Variants in TTC28 observed in about 807,000 individuals in gnomAD.
The protein encoded by TTC28 is tetratricopeptide repeat protein 28.
In TTC28, 61 loss-of-function variants were observed where a neutral mutation model predicts 198.0. That is an observed-to-expected ratio of 0.31 (90% confidence interval 0.25 to 0.38). The LOEUF is 0.38. Among genes scored for constraint, TTC28 ranks in the 10% least tolerant of loss-of-function variants. TTC28 has a pLI of 1.00. For synonymous variants in TTC28, 1,171 were observed against 1,297.8 expected (o/e 0.90, Z 2.10); for missense variants, 2,678 against 3,164.0 (o/e 0.85, Z 3.69).
At chr22:28,396,963 C>T (rs979370985) in intron 2 of TTC28, among the ~76,000 whole-genome samples, 3 of 152,136 alleles carry the variant, frequency 2.0e-5, no homozygotes, top group Admixed American at 2.0e-4. Context: ...CCTCTGTACA[C>T]AATGAAATGT....
intron 1 of TTC28, among the ~76,000 whole-genome samples, chr22:28,677,799 A>G (rs2881498): frequency 6.6e-6 from 1 of 151,932 alleles, no homozygotes; most frequent in South Asian, 2.1e-4. Flanking sequence ...TTAGCTGGGC[A>G]TGGTGGCACA....
intron 2 of TTC28, among the ~76,000 whole-genome samples, chr22:28,390,637 TCTGTTTTATCAGAGA>T (rs1363200737): frequency 6.6e-6 from 1 of 152,208 alleles, no homozygotes; most frequent in Admixed American, 6.5e-5. Flanking sequence ...TGGTTTAAAG[TCTGTTTTATCAGAGA>T]CTAGGATTAC....
chr22:28,277,259 TC>T (rs2145724495), intron 5 of TTC28, among the ~76,000 whole-genome samples: 1 of 152,364 alleles, frequency 6.6e-6, no homozygotes, highest in African/African-American at 2.4e-5. Context: ...CAATGTGATT[TC>T]CTCGTAGAAA....
At chr22:28,208,006 G>A (rs967733205) in intron 5 of TTC28, among the ~76,000 whole-genome samples, 4 of 152,102 alleles carry the variant, frequency 2.6e-5, no homozygotes, top group African/African-American at 7.2e-5. Flanking sequence ...TGACTACTCT[G>A]TGCAGCTACC....
chr22:28,105,582 C>T lies in TTC28; in HGVS notation c.3004G>A (p.Gly1002Ser), dbSNP rs1942271283. 1.3e-6 allele frequency: 2 copies of T among 1,551,808 alleles called. No individual in the cohort carries two copies. The highest frequency in any genetic ancestry group is 1.7e-6 in the Non-Finnish European group (2 of 1,147,034). ...DRALESDAAC[G>S]LGGVYQQMGE... is the part of the protein sequence containing the mutation. ...ATCTGCTGGTAAACGCCCCCCAGGC[C>T]ACAGGCTGCGTCACTCTCCAGGGCT... Residue 1002 changes from glycine (G) to serine (S), a missense_variant, in exon 8 of 23, where the codon GGC becomes AGC. Transcript: ENST00000397906.
At chr22:27,998,428 C>T (rs1331251246) in intron 16 of TTC28, 112 bp downstream of exon 16, 46 of 1,434,624 alleles carry the variant, frequency 3.2e-5, no homozygotes, top group Non-Finnish European at 4.1e-5. Flanking sequence ...TCTTCTGTGG[C>T]TGGCCTTGCC....
At chr22:28,312,647 T>A (rs758025622) in intron 2 of TTC28, among the ~76,000 whole-genome samples, 1 of 152,176 alleles carries the variant, frequency 6.6e-6, no homozygotes, top group African/African-American at 2.4e-5. Context: ...GAAATAAAGA[T>A]GTTCTTTGAA....
At chr22:28,358,853 A>C (rs1192872641) in intron 2 of TTC28, among the ~76,000 whole-genome samples, 2 of 152,120 alleles carry the variant, frequency 1.3e-5, no homozygotes, top group Admixed American at 6.5e-5. Flanking sequence ...GCTTTCATTC[A>C]GTTTCCAATG....
At chr22:28,117,532 G>T (rs1942664002) in intron 6 of TTC28, among the ~76,000 whole-genome samples, 2 of 152,142 alleles carry the variant, frequency 1.3e-5, no homozygotes, top group Non-Finnish European at 2.9e-5. Context: ...TCTAGCCCTG[G>T]ATCTAGGGAG....
At chr22:28,033,720 CCTA>C (rs1450597111) in intron 12 of TTC28, among the ~76,000 whole-genome samples, 1 of 152,168 alleles carries the variant, frequency 6.6e-6, no homozygotes, top group African/African-American at 2.4e-5. Context: ...CAAAATAAAT[CCTA>C]CTATTCCCAA....
intron 2 of TTC28, among the ~76,000 whole-genome samples, chr22:28,517,162 G>A (rs1222107832): frequency 1.3e-5 from 2 of 152,048 alleles, no homozygotes; most frequent in Non-Finnish European, 2.9e-5. Context: ...TTACAATAAA[G>A]GTATAAAGCT....
chr22:28,331,826 C>G (rs1042586279), intron 2 of TTC28, among the ~76,000 whole-genome samples: 2 of 152,030 alleles, frequency 1.3e-5, no homozygotes, highest in African/African-American at 2.4e-5. Context: ...ACCTAGGAAG[C>G]TTTACCCATA....
chr22:28,066,382 T>C (rs1940755199), intron 12 of TTC28, among the ~76,000 whole-genome samples: 1 of 151,442 alleles, frequency 6.6e-6, no homozygotes, highest in African/African-American at 2.4e-5. Context: ...ATTTCAAGCG[T>C]ACGATACAGT....
intron 6 of TTC28, among the ~76,000 whole-genome samples, chr22:28,135,985 G>GT (rs1468873823): frequency 2.0e-5 from 3 of 152,116 alleles, no homozygotes; most frequent in African/African-American, 4.8e-5. Flanking sequence ...CAGTTCTGGG[G>GT]TTTTTTGTTT....
intron 6 of TTC28, among the ~76,000 whole-genome samples, chr22:28,147,007 G>A (rs1943484672): frequency 6.6e-6 from 1 of 152,112 alleles, no homozygotes; most frequent in African/African-American, 2.4e-5. Flanking sequence ...TGGCATAAAG[G>A]ACCACTTTCA....
intron 2 of TTC28, among the ~76,000 whole-genome samples, chr22:28,422,431 A>C (rs191617432): frequency 5.9e-5 from 9 of 152,160 alleles, no homozygotes; most frequent in African/African-American, 2.2e-4. Context: ...CTATTTAATA[A>C]CATTAAATAA....
chr22:28,085,041 T>C (rs1337722796), intron 12 of TTC28, among the ~76,000 whole-genome samples: 2 of 152,088 alleles, frequency 1.3e-5, no homozygotes, highest in Non-Finnish European at 2.9e-5. Flanking sequence ...CTGATTGGTG[T>C]ACCTGAAAGT....
Position 28,629,956 on chromosome 22 carries a change from G to C in TTC28, c.103-126C>G, listed in dbSNP as rs1212678315. On this transcript the variant is annotated intron_variant, in intron 1 of 22. Transcript: ENST00000397906. ...ATGTGATCCCCAGTATTGGAGGTGG[G>C]GCCTAATGGGAGGTGTTTAGGTCAT... is the stretch of plus-strand genomic sequence containing the variant. 10 of 819,454 alleles carry C rather than the reference G, an allele frequency of 1.2e-5. No homozygotes were observed. The South Asian group carries it at 1.3e-4, about 11-fold the overall frequency. 50.8% of individuals were successfully genotyped at this position (819,454 alleles called of 1,614,324 possible).
At chr22:28,533,708 A>G (rs184495111) in intron 2 of TTC28, among the ~76,000 whole-genome samples, 3 of 152,358 alleles carry the variant, frequency 2.0e-5, no homozygotes, top group African/African-American at 7.2e-5. Context: ...GTACCAAAAC[A>G]GAGATATAGA....
Sources: gnomAD v4.1 joint callset for allele counts (sites outside exome capture counted in the v4.1 genomes callset) on GRCh38, gnomAD v4.1.1 for gene constraint, MANE v1.5 for transcripts, NCBI Gene and HGNC (gene_info 2026-07-23, HGNC 2026-07-21) for gene names.